Variants in BSDC1 observed in about 807,000 individuals in gnomAD.
BSDC1 encodes the protein BSD domain containing 1.
A neutral mutation model predicts 56.0 loss-of-function variants in BSDC1; 29 were observed. That is an observed-to-expected ratio of 0.52 (90% CI 0.39 to 0.71). The LOEUF (loss-of-function observed/expected upper bound fraction) is 0.71. BSDC1 is among the 30% of genes least tolerant of loss of function. The pLI, the probability that BSDC1 is intolerant of heterozygous loss-of-function variation, is 0.00. For missense variants in BSDC1, 477 were observed against 548.5 expected (o/e 0.87, Z 1.30); for synonymous variants, 210 against 215.3 (o/e 0.98, Z 0.21).
At chr1:32,380,784 T>C (rs1180237383) in intron 5 of BSDC1, among the ~76,000 whole-genome samples, 1 of 152,208 alleles carries the variant, frequency 6.6e-6, no homozygotes, top group Non-Finnish European at 1.5e-5. Flanking sequence ...TGCTCTCTAG[T>C]ATTTCTACTT....
chr1:32,390,280 A>C (rs1642820869), intron 2 of BSDC1, among the ~76,000 whole-genome samples: 1 of 152,208 alleles, frequency 6.6e-6, no homozygotes, highest in African/African-American at 2.4e-5. Flanking sequence ...ACCAGTCAGG[A>C]GGCTGCTGCA....
rs773908813 is a variant in BSDC1 at position 32,394,400 on chromosome 1, T to G, written c.11+4A>C. The G allele has an allele frequency of 2.5e-6, 4 of 1,613,688 alleles. No homozygotes were observed. The Admixed American group carries it at 5.0e-5, about 20-fold the overall frequency. ...AACGCCTAGGAGCAAAACGACAAGC[T>G]CACCCTTCCGCCATCTTGCCTGCAT... On this transcript the variant is annotated splice_donor_region_variant and intron_variant, in intron 1 of 10. Transcript: ENST00000455895.
Position 32,393,948 on chromosome 1 carries a change from A to T in BSDC1, c.72+132T>A, listed in dbSNP as rs527290224. On this transcript the variant is annotated intron_variant, in intron 2 of 10. Coordinates refer to ENST00000455895, the MANE Select transcript of BSDC1 (RefSeq NM_018045.8). ...GTCTTCCCGTGGACCGGTAGAGGCT[A>T]AAAGAAAGGCCCAGGTCAGCCTCAT... 1.2e-5 allele frequency: 10 copies of T among 810,936 alleles called. No individual in the cohort carries two copies. In the South Asian group the frequency reaches 1.7e-4, roughly 14 times the overall value. The allele number at this position is 810,936 out of a possible 1,614,324, so 50.2% of individuals were successfully genotyped here.
At chr1:32,394,032 G>C in intron 2 of BSDC1, 48 bp downstream of exon 2, 1 of 1,577,456 alleles carries the variant, frequency 6.3e-7, no homozygotes, top group Non-Finnish European at 8.6e-7. Context: ...GTTGCATTGA[G>C]GCGGCGCAGG....
chr1:32,367,047 G>T, intron 10 of BSDC1: 1 of 1,004,982 alleles, frequency 1.0e-6, no homozygotes, highest in Middle Eastern at 5.0e-4. Flanking sequence ...CTTGGCCCTG[G>T]ACACAAAAGA....
At position 32,369,379 on chromosome 1, in the gene BSDC1, C is replaced by T. The variant is rs1482845767; in HGVS notation, c.1157-829G>A. 2.8e-6 allele frequency: 3 copies of T among 1,059,454 alleles called. No individual in the cohort carries two copies. The East Asian group carries it at 1.8e-4, about 63-fold the overall frequency. 65.6% of individuals were successfully genotyped at this position (1,059,454 alleles called of 1,614,324 possible). On this transcript the variant is annotated intron_variant, in intron 9 of 10. Coordinates refer to ENST00000455895, the MANE Select transcript of BSDC1 (RefSeq NM_018045.8). ...AAAATTAGCCAGGCATGGTAGTACACACCTAAGGAGTCCCAGCTACTCAGG... is the reference window on the plus strand; with the variant it reads ...AAAATTAGCCAGGCATGGTAGTACATACCTAAGGAGTCCCAGCTACTCAGG...
chr1:32,368,627 T>C lies in BSDC1; in HGVS notation c.1157-77A>G, dbSNP rs1029160941. 76 of 1,590,058 alleles carry C rather than the reference T, an allele frequency of 4.8e-5. 1 individual carries two copies. In the Admixed American group the frequency reaches 9.3e-4, roughly 19 times the overall value. On this transcript the variant is annotated intron_variant, in intron 9 of 10. Transcript: ENST00000455895. ...CCTGAAGAGGGTGTAGCTGGGGAGA[T>C]AGCATGCTTCAAAAGGGTCTCACAA... is the stretch of plus-strand genomic sequence containing the variant.
chr1:32,382,867 C>CAAAAAAAAAAAAAAAAA (rs760141230), intron 4 of BSDC1, among the ~76,000 whole-genome samples: 1 of 47,068 alleles, frequency 2.1e-5, no homozygotes, highest in Non-Finnish European at 4.4e-5. Flanking sequence ...GAGACCGTCT[C>CAAAAAAAAAAAAAAAAA]AAAAAAAAAA....
At chr1:32,368,575 A>C in intron 9 of BSDC1, 25 bp from the exon 10 acceptor site, 1 of 1,613,784 alleles carries the variant, frequency 6.2e-7, no homozygotes, top group Non-Finnish European at 8.5e-7. Flanking sequence ...CACAGTGTGA[A>C]AAGCAGGAGG....
At chr1:32,386,267 C>T (rs1267980782) in intron 3 of BSDC1, among the ~76,000 whole-genome samples, 9 of 144,042 alleles carry the variant, frequency 6.2e-5, no homozygotes, top group Non-Finnish European at 1.5e-5. Flanking sequence ...TGCAGTGAGC[C>T]GAGATGGCGC....
At position 32,379,195 on chromosome 1, in the gene BSDC1, G is replaced by A. The variant is rs1200043226; in HGVS notation, c.413-356C>T. On this transcript the variant is annotated intron_variant, in intron 5 of 10. Coordinates refer to ENST00000455895, the MANE Select transcript of BSDC1 (RefSeq NM_018045.8). ...CGTGTGACCATCTCTGACTCTGGGGGCCATTGCCTTTCTCCTGAAGCCCTC... is the reference window on the plus strand; with the variant it reads ...CGTGTGACCATCTCTGACTCTGGGGACCATTGCCTTTCTCCTGAAGCCCTC... Among the ~76,000 whole-genome samples, 3 of 151,980 alleles carry A rather than the reference G, an allele frequency of 2.0e-5. No homozygotes were observed. The South Asian group carries it at 6.2e-4, about 32-fold the overall frequency.
intron 3 of BSDC1, 65 bp from the exon 4 acceptor site, chr1:32,384,062 G>A (rs1642582316): frequency 6.2e-7 from 1 of 1,608,592 alleles, no homozygotes; most frequent in Non-Finnish European, 8.5e-7. Flanking sequence ...GGGTATGGGG[G>A]TAAAACATTG....
In BSDC1 at chr1:32,378,862, G is replaced by A. The variant is rs752157606; in HGVS notation, c.413-23C>T. On this transcript the variant is annotated intron_variant, in intron 5 of 10. Transcript: ENST00000455895. The surrounding 1 kb of genome is among the most constrained non-coding windows in gnomAD (Gnocchi z 5.2). ...GCCCTGCAGAGGGACAGATGCTGAC[G>A]GTCAGTTGCCTTGGTCTGGGAAAAG... The A allele has an allele frequency of 9.8e-6, 14 of 1,432,104 alleles. No individual in the cohort carries two copies. The highest frequency in any genetic ancestry group is 5.9e-5 in the African/African-American group (4 of 68,322). 88.7% of individuals were successfully genotyped at this position (1,432,104 alleles called of 1,614,324 possible). A position where few individuals can be genotyped will look rare whatever the true frequency, so the allele number is the denominator to read the frequency against.
chr1:32,375,184 A>G (rs145137807), intron 9 of BSDC1, among the ~76,000 whole-genome samples: 26 of 152,172 alleles, frequency 1.7e-4, no homozygotes, highest in South Asian at 6.2e-4. Context: ...TAGGAGCCCA[A>G]TGGATGACCT....
At position 32,378,728 on chromosome 1, in the gene BSDC1, T is replaced by C; in HGVS notation, c.524A>G (p.Lys175Arg). Residue 175 changes from lysine (K) to arginine (R), a missense_variant, in exon 6 of 11, where the codon AAG becomes AGG. Transcript: ENST00000455895. The surrounding 1 kb of genome is among the most constrained non-coding windows in gnomAD (Gnocchi z 5.2). The stretch of plus-strand genomic sequence containing the variant: ...CCCTGCAGGCTGGGCCCTCACCATC[T>C]TGGTGTAGAGGGCCCGGATGGAGGG... ...GSPSIRALYTKMVPAAVSHSE... is the reference protein window; with the variant it reads ...GSPSIRALYTRMVPAAVSHSE... 1.3e-6 allele frequency: 2 copies of C among 1,501,620 alleles called. No individual in the cohort carries two copies. The highest frequency in any genetic ancestry group is 1.8e-6 in the Non-Finnish European group (2 of 1,123,886). 93.0% of individuals were successfully genotyped at this position (1,501,620 alleles called of 1,614,324 possible). A position where few individuals can be genotyped will look rare whatever the true frequency, so the allele number is the denominator to read the frequency against.
Position 32,368,563 on chromosome 1 carries a change from G to A in BSDC1, c.1157-13C>T. The A allele has an allele frequency of 6.2e-7, 1 of 1,614,092 alleles. No homozygotes were observed. Among genetic ancestry groups the A allele is most frequent in the Non-Finnish European group, 8.5e-7 (1 of 1,179,934 alleles). The stretch of plus-strand genomic sequence containing the variant: ...TCCGTGCTTGAGCCTGGAACCACGA[G>A]CCACAGTGTGAAAAGCAGGAGGAGG... On this transcript the variant is annotated splice_polypyrimidine_tract_variant and intron_variant, in intron 9 of 10. Transcript: ENST00000455895.
chr1:32,376,875 A>T, intron 8 of BSDC1, 134 bp from the exon 9 acceptor site: 3 of 1,054,354 alleles, frequency 2.8e-6, no homozygotes, highest in Non-Finnish European at 3.6e-6. Context: ...TCACACCTGT[A>T]ATCCCACCAC....
intron 9 of BSDC1, among the ~76,000 whole-genome samples, chr1:32,375,040 T>G (rs998954881): frequency 1.5e-4 from 23 of 152,040 alleles, no homozygotes; most frequent in African/African-American, 5.3e-4. Context: ...TAGTCCCAGC[T>G]ACTCGGGAGG....
intron 5 of BSDC1, among the ~76,000 whole-genome samples, chr1:32,379,461 C>T (rs61207850): frequency 0.056 from 8,567 of 152,198 alleles, 779 homozygotes; most frequent in African/African-American, 0.2. Flanking sequence ...CAGGTACCCC[C>T]GATACTTCCA....
Sources: allele counts gnomAD v4.1 joint callset (sites outside exome capture counted in the v4.1 genomes callset), GRCh38; gene constraint gnomAD v4.1.1; non-coding constraint Gnocchi (gnomAD v3.1); transcripts MANE v1.5; gene names NCBI Gene and HGNC (gene_info 2026-07-23, HGNC 2026-07-21).